Variants in CSMD1 observed in about 807,000 individuals in gnomAD.
CSMD1 encodes CUB and Sushi multiple domains 1.
CSMD1 carries 213 observed loss-of-function variants against 417.5 expected under a neutral mutation model. The ratio of observed to expected loss-of-function variants is 0.51; its 90% confidence interval spans 0.46 to 0.57. The LOEUF (loss-of-function observed/expected upper bound fraction) is 0.57. Ranked by LOEUF, CSMD1 falls within the 20% of genes least tolerant of loss-of-function variation. The probability of loss-of-function intolerance (pLI) is 0.00; values close to 1 mark genes in which losing one functional copy is unlikely to be tolerated. For missense variants in CSMD1, 6,923 were observed against 4,529.7 expected, an observed-to-expected ratio of 1.53 and a Z score of -15.17; for synonymous variants, 2,862 against 1,736.8, an observed-to-expected ratio of 1.65 and a Z score of -16.11.
intron 37 of CSMD1, among the ~76,000 whole-genome samples, chr8:3,169,779 C>G (rs1226064921): frequency 6.6e-6 from 1 of 152,116 alleles, no homozygotes; most frequent in African/African-American, 2.4e-5. Flanking sequence ...AAATAGCATG[C>G]TCAGCTTCTT....
intron 54 of CSMD1, among the ~76,000 whole-genome samples, chr8:2,995,131 G>A (rs765183087): frequency 2.0e-5 from 3 of 152,068 alleles, no homozygotes; most frequent in Admixed American, 6.6e-5. Context: ...AAAATTCTGC[G>A]AATCATATAC....
chr8:4,347,001 G>C (rs1800812124), intron 3 of CSMD1, among the ~76,000 whole-genome samples: 1 of 152,134 alleles, frequency 6.6e-6, no homozygotes, highest in African/African-American at 2.4e-5. Flanking sequence ...GAGGACAAGG[G>C]CTCCAGGATA....
intron 60 of CSMD1, among the ~76,000 whole-genome samples, chr8:2,962,971 C>T (rs1056087074): frequency 2.0e-5 from 3 of 152,068 alleles, no homozygotes; most frequent in African/African-American, 7.2e-5. Context: ...TGGTTTGAGC[C>T]CGAGAGATTG....
chr8:3,642,902 T>C (rs1236935960), intron 7 of CSMD1, among the ~76,000 whole-genome samples: 2 of 151,906 alleles, frequency 1.3e-5, no homozygotes, highest in Non-Finnish European at 2.9e-5. Context: ...CACACATATA[T>C]ATATAATGTA....
intron 3 of CSMD1, among the ~76,000 whole-genome samples, chr8:4,105,852 C>A (rs578032053): frequency 2.6e-5 from 4 of 152,192 alleles, no homozygotes; most frequent in Admixed American, 6.5e-5. Context: ...ACCCTCTGAG[C>A]TTCCCGGGAC....
At chr8:3,410,392 T>C (rs973383171) in intron 12 of CSMD1, among the ~76,000 whole-genome samples, 1 of 152,206 alleles carries the variant, frequency 6.6e-6, no homozygotes, top group Non-Finnish European at 1.5e-5. Context: ...CACCTAATTC[T>C]CATTTTGAAT....
In CSMD1 at chr8:4,156,736, A is replaced by G. The variant is rs567229926; in HGVS notation, c.416-124637T>C. On this transcript the variant is annotated intron_variant, in intron 3 of 69. Coordinates refer to ENST00000635120, the MANE Select transcript of CSMD1 (RefSeq NM_033225.6). ...TGTGCAGTTTGCAGTGGGGCCAGTG[A>G]CAGCTTCAACCTTTGAACAGGAAAT... 2.4e-4 allele frequency among the ~76,000 whole-genome samples: 37 copies of G among 152,150 alleles called. 1 individual carries two copies. The highest frequency in any genetic ancestry group is 8.3e-4 in the South Asian group (4 of 4,832).
In CSMD1 at chr8:4,972,725, T is replaced by C. The variant is rs150750282; in HGVS notation, c.85+21607A>G. ...AACTTTTGCTTTAGGTAAGAAATAT[T>C]GTTTGAGTTTTGAAGATTACCAACA... On this transcript the variant is annotated intron_variant, in intron 1 of 69. Coordinates refer to ENST00000635120, the MANE Select transcript of CSMD1 (RefSeq NM_033225.6). Among the ~76,000 whole-genome samples the C allele has an allele frequency of 5.8e-3, 880 of 152,238 alleles. 12 individuals are homozygous for C. The highest frequency in any genetic ancestry group is 0.02 in the African/African-American group (847 of 41,532).
intron 6 of CSMD1, among the ~76,000 whole-genome samples, chr8:3,728,311 A>T (rs545096009): frequency 6.6e-6 from 1 of 152,056 alleles, no homozygotes; most frequent in Non-Finnish European, 1.5e-5. Context: ...ATCTTCCACC[A>T]TGACTGTGAG....
chr8:4,187,683 A>AC (rs1798766297), intron 3 of CSMD1, among the ~76,000 whole-genome samples: 3 of 151,524 alleles, frequency 2.0e-5, no homozygotes, highest in African/African-American at 7.3e-5. Context: ...TCTCAAAAAA[A>AC]AAAAAAAAAA....
chr8:3,743,209 T>G (rs1351296559), intron 6 of CSMD1, among the ~76,000 whole-genome samples: 2 of 152,210 alleles, frequency 1.3e-5, no homozygotes, highest in Admixed American at 6.5e-5. Context: ...TGCAGAGTGT[T>G]CTGCCCTTTT....
chr8:3,742,028 C>T (rs762848892), intron 6 of CSMD1, among the ~76,000 whole-genome samples: 5 of 147,852 alleles, frequency 3.4e-5, no homozygotes, highest in Non-Finnish European at 7.4e-5. Context: ...CTGGAATTCT[C>T]TCCTTTTCTT....
intron 12 of CSMD1, among the ~76,000 whole-genome samples, chr8:3,460,986 A>T (rs1218831170): frequency 6.6e-6 from 1 of 152,202 alleles, no homozygotes; most frequent in Non-Finnish European, 1.5e-5. Flanking sequence ...GTTCTTTAGC[A>T]TATTAAATGG....
intron 3 of CSMD1, among the ~76,000 whole-genome samples, chr8:4,295,069 T>A (rs1284612770): frequency 1.0e-5 from 1 of 97,042 alleles, no homozygotes; most frequent in African/African-American, 3.2e-5. Flanking sequence ...ATCTTAAGAT[T>A]ACACACATAT....
chr8:3,868,033 G>T (rs898559276), intron 5 of CSMD1, among the ~76,000 whole-genome samples: 1 of 151,984 alleles, frequency 6.6e-6, no homozygotes, highest in Admixed American at 6.6e-5. Context: ...TCCTGATTTG[G>T]CCCTGCACCC....
At chr8:4,358,273 G>C (rs776914970) in intron 3 of CSMD1, among the ~76,000 whole-genome samples, 6 of 152,230 alleles carry the variant, frequency 3.9e-5, no homozygotes, top group African/African-American at 1.4e-4. Context: ...ACCAGTGGGT[G>C]TGGAGCGCGG....
intron 3 of CSMD1, among the ~76,000 whole-genome samples, chr8:4,326,236 T>A (rs905067960): frequency 6.6e-6 from 1 of 152,154 alleles, no homozygotes; most frequent in Non-Finnish European, 1.5e-5. Context: ...AAACCATTGG[T>A]CTAAGATGAC....
intron 3 of CSMD1, among the ~76,000 whole-genome samples, chr8:4,211,263 G>C (rs886396082): frequency 2.0e-5 from 3 of 151,788 alleles, no homozygotes; most frequent in Admixed American, 2.0e-4. Flanking sequence ...GAAACTGAAA[G>C]AAATCCAAAG....
intron 2 of CSMD1, among the ~76,000 whole-genome samples, chr8:4,607,194 G>C (rs556764650): frequency 1.3e-5 from 2 of 151,950 alleles, no homozygotes; most frequent in Non-Finnish European, 2.9e-5. Context: ...TGATAGTGTC[G>C]GCAGGAGTGG....
Sources: gnomAD v4.1 joint callset for allele counts (sites outside exome capture counted in the v4.1 genomes callset) on GRCh38, gnomAD v4.1.1 for gene constraint, MANE v1.5 for transcripts, NCBI Gene and HGNC (gene_info 2026-07-23, HGNC 2026-07-21) for gene names.